Variants in TBC1D8 observed in about 807,000 individuals in gnomAD.
The protein encoded by TBC1D8 is BUB2-like protein 1.
TBC1D8 carries 65 observed loss-of-function variants against 118.8 expected under a neutral mutation model. That is an observed-to-expected ratio of 0.55 (90% CI 0.45 to 0.67). TBC1D8 has a LOEUF of 0.67. TBC1D8 is among the 30% of genes least tolerant of loss of function. The probability of loss-of-function intolerance (pLI) is 0.00; values close to 1 mark genes in which losing one functional copy is unlikely to be tolerated. For synonymous variants in TBC1D8, 566 were observed against 595.8 expected (o/e 0.95, Z 0.73); for missense variants, 1,376 against 1,471.2 (o/e 0.94, Z 1.06).
chr2:101,011,393 TGC>T, intron 18 of TBC1D8, 56 bp downstream of exon 18: 1 of 1,563,396 alleles, frequency 6.4e-7, no homozygotes. Flanking sequence ...GCAACCCCGG[TGC>T]CTCCCGCCAC....
chr2:101,049,570 A>C (rs1160174386), intron 5 of TBC1D8, among the ~76,000 whole-genome samples: 1 of 151,778 alleles, frequency 6.6e-6, no homozygotes, highest in Non-Finnish European at 1.5e-5. Context: ...TCTACTAAAA[A>C]TACAAAAATT....
chr2:101,134,965 A>C (rs1678780045), intron 1 of TBC1D8, among the ~76,000 whole-genome samples: 1 of 152,176 alleles, frequency 6.6e-6, no homozygotes, highest in Non-Finnish European at 1.5e-5. Flanking sequence ...CAAGGTCAGG[A>C]GTTCAAGACT....
intron 2 of TBC1D8, among the ~76,000 whole-genome samples, chr2:101,060,305 G>A (rs1018014442): frequency 6.6e-6 from 1 of 152,166 alleles, no homozygotes. Context: ...CCAAGTCCAC[G>A]GAGGAATGAG....
chr2:101,119,075 C>G, intron 1 of TBC1D8, among the ~76,000 whole-genome samples: 1 of 152,176 alleles, frequency 6.6e-6, no homozygotes, highest in East Asian at 1.9e-4. Flanking sequence ...AGTAAAGTTT[C>G]AGGCTACAAA....
chr2:101,093,842 C>T (rs1246443428), intron 1 of TBC1D8, among the ~76,000 whole-genome samples: 8 of 152,012 alleles, frequency 5.3e-5, no homozygotes, highest in Non-Finnish European at 4.4e-5. Flanking sequence ...CCCAAGTAGC[C>T]GAGATTACAG....
At chr2:101,026,668 T>TC (rs1558630889) in intron 15 of TBC1D8, among the ~76,000 whole-genome samples, 1 of 152,276 alleles carries the variant, frequency 6.6e-6, no homozygotes, top group Admixed American at 6.5e-5. Context: ...CAACTGCGCT[T>TC]CCTCCCCGTC....
intron 1 of TBC1D8, among the ~76,000 whole-genome samples, chr2:101,104,648 A>G (rs1277124751): frequency 1.3e-5 from 2 of 152,268 alleles, no homozygotes; most frequent in Non-Finnish European, 2.9e-5. Flanking sequence ...ACCCAGACAC[A>G]GACCTTACAT....
At chr2:101,043,226 A>T (rs1028733571) in intron 5 of TBC1D8, among the ~76,000 whole-genome samples, 2 of 152,208 alleles carry the variant, frequency 1.3e-5, no homozygotes, top group African/African-American at 4.8e-5. Flanking sequence ...GCCTCCAGAG[A>T]GGAGCTGGGA....
intron 1 of TBC1D8, among the ~76,000 whole-genome samples, chr2:101,138,591 G>A (rs180924461): frequency 7.9e-5 from 12 of 152,252 alleles, no homozygotes; most frequent in Admixed American, 2.6e-4. Flanking sequence ...ATAATTTGCC[G>A]GGATGGCTCA....
At chr2:101,114,859 A>T (rs1050432422) in intron 1 of TBC1D8, among the ~76,000 whole-genome samples, 2 of 151,870 alleles carry the variant, frequency 1.3e-5, no homozygotes, top group African/African-American at 4.8e-5. Flanking sequence ...AGGGCAAGCT[A>T]GAGGTAAGGA....
intron 1 of TBC1D8, among the ~76,000 whole-genome samples, chr2:101,095,030 A>T (rs1676306557): frequency 6.6e-6 from 1 of 152,114 alleles, no homozygotes; most frequent in Non-Finnish European, 1.5e-5. Flanking sequence ...CTGGAGGCTG[A>T]GTGTGTAAGA....
At position 101,044,354 on chromosome 2, in the gene TBC1D8, G is replaced by A. The variant is rs540552518; in HGVS notation, c.873-3969C>T. ...GACTTTGAAAAAATGAGAAATCCTC[G>A]AGAAATCAGCTCTTTATGAAGTTTA... On this transcript the variant is annotated intron_variant, in intron 5 of 19. Coordinates refer to ENST00000409318, the MANE Select transcript of TBC1D8 (RefSeq NM_001330348.2). Among the ~76,000 whole-genome samples the A allele has an allele frequency of 3.3e-5, 5 of 152,270 alleles. No homozygotes were observed. In the East Asian group the frequency reaches 5.8e-4, roughly 18 times the overall value.
chr2:101,102,450 T>C (rs1676905471), intron 1 of TBC1D8, among the ~76,000 whole-genome samples: 1 of 138,228 alleles, frequency 7.2e-6, no homozygotes, highest in Non-Finnish European at 1.6e-5. Flanking sequence ...CGAGATTCCA[T>C]AAAAAGTTAA....
Position 101,040,199 on chromosome 2 carries a change from C to T in TBC1D8, c.1059G>A (p.Lys353=). The T allele has an allele frequency of 6.2e-7, 1 of 1,614,004 alleles. No individual in the cohort carries two copies. The highest frequency in any genetic ancestry group is 8.5e-7 in the Non-Finnish European group (1 of 1,179,872). The change falls in exon 6 of 20, where the codon AAG becomes AAA. Residue 353 remains lysine (K), a synonymous_variant. Coordinates refer to ENST00000409318, the MANE Select transcript of TBC1D8 (RefSeq NM_001330348.2). ...CFASREDGCC[K]IILPLREVVS... ...CTACCTCTCTGAGTGGCAGGATGAT[C>T]TTACAGCAGCCATCTTCTCTGCTGG...
At chr2:101,058,800 G>A (rs1048599624) in intron 3 of TBC1D8, among the ~76,000 whole-genome samples, 2 of 150,320 alleles carry the variant, frequency 1.3e-5, no homozygotes, top group Non-Finnish European at 3.0e-5. Flanking sequence ...GTGTTGCTCT[G>A]CGGAAACATA....
At chr2:101,055,271 C>T (rs1682352717) in intron 3 of TBC1D8, among the ~76,000 whole-genome samples, 1 of 151,894 alleles carries the variant, frequency 6.6e-6, no homozygotes, top group Non-Finnish European at 1.5e-5. Context: ...CACCTGCAAT[C>T]CCAGCTACTT....
intron 1 of TBC1D8, among the ~76,000 whole-genome samples, chr2:101,130,805 C>T (rs983044556): frequency 1.3e-5 from 2 of 152,164 alleles, no homozygotes; most frequent in African/African-American, 4.8e-5. Context: ...CTCCTAGCAG[C>T]ATACAGTAAA....
rs541920200 is a variant in TBC1D8, at chr2:101,012,948, T to C, written c.2828-1408A>G. ...CCACTCAAACTGAACAGGAGGAAAA[T>C]TGCAAACCGTGAATGGTACCTGGGG... On this transcript the variant is annotated intron_variant, in intron 17 of 19. Transcript: ENST00000409318. Among the ~76,000 whole-genome samples the C allele has an allele frequency of 9.9e-5, 15 of 152,242 alleles. No individual in the cohort carries two copies. In the South Asian group the frequency reaches 1.0e-3, roughly 11 times the overall value.
At chr2:101,011,612 C>G in intron 17 of TBC1D8, 72 bp from the exon 18 acceptor site, 1 of 1,526,546 alleles carries the variant, frequency 6.6e-7, no homozygotes, top group Non-Finnish European at 9.0e-7. Context: ...ATGTAGCTTT[C>G]TAGGCAACTA....
Sources: gnomAD v4.1 joint callset for allele counts (sites outside exome capture counted in the v4.1 genomes callset) on GRCh38, gnomAD v4.1.1 for gene constraint, MANE v1.5 for transcripts, NCBI Gene and HGNC (gene_info 2026-07-23, HGNC 2026-07-21) for gene names.